The following EXD1 variants were observed in gnomAD, a reference collection of about 807,000 sequenced individuals.
EXD1 encodes the protein piRNA biogenesis protein EXD1.
Under a neutral mutation model 49.1 loss-of-function variants are expected in EXD1, and 63 were observed. The ratio of observed to expected loss-of-function variants is 1.28; its 90% CI spans 1.05 to 1.58. The LOEUF (loss-of-function observed/expected upper bound fraction) is 1.58. Among genes scored for constraint, EXD1 ranks in the 40% most tolerant of loss-of-function variants. The pLI, the probability that EXD1 is intolerant of heterozygous loss-of-function variation, is 0.00. For missense variants in EXD1, 748 were observed against 666.0 expected, an observed-to-expected ratio of 1.12 and a Z score of -1.36; for synonymous variants, 234 against 239.2, an observed-to-expected ratio of 0.98 and a Z score of 0.20.
chr15:41,228,225 A>G (rs2047192331), intron 1 of EXD1, among the ~76,000 whole-genome samples: 1 of 152,164 alleles, frequency 6.6e-6, no homozygotes, highest in Non-Finnish European at 1.5e-5. Context: ...CTTTTGCCAC[A>G]CTAGGAAAAT....
rs753456088 is a variant in EXD1, at chr15:41,190,154, T to C, written c.865-26A>G. 4 of 1,611,932 alleles carry C rather than the reference T, an allele frequency of 2.5e-6. No homozygotes were observed. In the South Asian group the frequency reaches 3.3e-5, roughly 13 times the overall value. Reference sequence around the variant, plus strand: ...CTGGAGACAATAAAACAATTTCCTCTGAACAGTAAGCAAGACTTTAAAGAA... The same window carrying C: ...CTGGAGACAATAAAACAATTTCCTCCGAACAGTAAGCAAGACTTTAAAGAA... On this transcript the variant is annotated intron_variant, in intron 10 of 11. Coordinates refer to ENST00000458580, the MANE Select transcript of EXD1 (RefSeq NM_001286441.2).
At chr15:41,214,116 G>A (rs990323135) in intron 6 of EXD1, among the ~76,000 whole-genome samples, 4 of 152,116 alleles carry the variant, frequency 2.6e-5, no homozygotes, top group Admixed American at 2.6e-4. Flanking sequence ...GCAGTGAGCC[G>A]AGATAGTGCC....
At chr15:41,197,806 A>T (rs1046973305) in intron 7 of EXD1, among the ~76,000 whole-genome samples, 4 of 144,484 alleles carry the variant, frequency 2.8e-5, no homozygotes, top group Non-Finnish European at 6.4e-5. Flanking sequence ...TGTATATTTT[A>T]ATAGAGATGG....
At chr15:41,224,768 A>G (rs745956333) in intron 2 of EXD1, among the ~76,000 whole-genome samples, 2 of 152,138 alleles carry the variant, frequency 1.3e-5, no homozygotes, top group Non-Finnish European at 2.9e-5. Context: ...CAGCCTGGGC[A>G]ACACAGGGAG....
chr15:41,213,175 T>C (rs950079204), intron 6 of EXD1, among the ~76,000 whole-genome samples: 2 of 151,820 alleles, frequency 1.3e-5, no homozygotes, highest in Admixed American at 6.6e-5. Context: ...AAACTACATA[T>C]TTTATTATTT....
chr15:41,199,777 C>T (rs1438906447), intron 7 of EXD1, among the ~76,000 whole-genome samples: 3 of 19,352 alleles, frequency 1.6e-4, no homozygotes, highest in South Asian at 2.0e-3. Context: ...ATATATATGT[C>T]ATATATTATA....
intron 3 of EXD1, among the ~76,000 whole-genome samples, chr15:41,218,894 T>C (rs16971653): frequency 0.16 from 24,529 of 152,140 alleles, 3,651 homozygotes; most frequent in African/African-American, 0.39. Context: ...CCTAAACGCT[T>C]GTTTTCTCAC....
At chr15:41,191,635 C>G (rs754992784) in intron 9 of EXD1, 50 bp from the exon 10 acceptor site, 11 of 1,513,068 alleles carry the variant, frequency 7.3e-6, no homozygotes, top group Non-Finnish European at 9.9e-6. Context: ...ATACAGAGAG[C>G]TATCTCATGC....
At chr15:41,220,669 G>A (rs1249278614) in intron 2 of EXD1, among the ~76,000 whole-genome samples, 2 of 152,138 alleles carry the variant, frequency 1.3e-5, no homozygotes, top group African/African-American at 2.4e-5. Flanking sequence ...AGGAGATAAG[G>A]AAGTTAGGAG....
intron 9 of EXD1, among the ~76,000 whole-genome samples, chr15:41,194,864 T>TG (rs1419624955): frequency 6.6e-6 from 1 of 152,160 alleles, no homozygotes; most frequent in Non-Finnish European, 1.5e-5. Context: ...AGCAAATACA[T>TG]TATAAGTAGA....
rs577472074 is a variant in EXD1 at position 41,191,561 on chromosome 15, T to C, written c.745A>G (p.Met249Val). Residue 249 changes from methionine to valine, a missense_variant, in exon 10 of 12, where the codon ATG becomes GTG. Physicochemically the swap from Met to Val is conservative, Grantham distance 21. Coordinates refer to ENST00000458580, the MANE Select transcript of EXD1 (RefSeq NM_001286441.2). Reference sequence around the variant, plus strand: ...TTTGGAAGATAGCCACCCGTTTCCATGGAAAACTGAAGTACATCTGCTACC... The same window carrying C: ...TTTGGAAGATAGCCACCCGTTTCCACGGAAAACTGAAGTACATCTGCTACC... ...TQVADVLQFSMETGGYLPNCI... is the reference protein window; with the variant it reads ...TQVADVLQFSVETGGYLPNCI... The C allele has an allele frequency of 2.3e-4, 373 of 1,614,116 alleles. 7 individuals are homozygous for C. The South Asian group carries it at 3.8e-3, about 17-fold the overall frequency.
intron 6 of EXD1, among the ~76,000 whole-genome samples, chr15:41,211,501 T>C (rs540433972): frequency 1.4e-4 from 22 of 152,014 alleles, no homozygotes; most frequent in African/African-American, 5.1e-4. Context: ...AACTCAATGA[T>C]AAAAATAATT....
intron 6 of EXD1, among the ~76,000 whole-genome samples, chr15:41,211,573 A>T (rs965410227): frequency 1.8e-4 from 28 of 152,130 alleles, no homozygotes; most frequent in African/African-American, 6.5e-4. Context: ...CTGTATTCCT[A>T]GCAGTGAAGG....
chr15:41,221,575 A>G (rs1309806461), intron 2 of EXD1, among the ~76,000 whole-genome samples: 1 of 151,772 alleles, frequency 6.6e-6, no homozygotes, highest in African/African-American at 2.4e-5. Flanking sequence ...CTGCCTGGCA[A>G]TACATTTTCT....
chr15:41,192,842 C>T (rs371512353), intron 9 of EXD1, among the ~76,000 whole-genome samples: 8 of 136,154 alleles, frequency 5.9e-5, no homozygotes, highest in African/African-American at 2.2e-4. Context: ...GTCGCCCAGG[C>T]GGGAGTGCTG....
chr15:41,194,985 C>T (rs1485769313), intron 9 of EXD1, among the ~76,000 whole-genome samples: 1 of 152,168 alleles, frequency 6.6e-6, no homozygotes, highest in Non-Finnish European at 1.5e-5. Flanking sequence ...TCCAAAGGCT[C>T]TAAGCTTGTG....
intron 7 of EXD1, among the ~76,000 whole-genome samples, chr15:41,200,265 G>C (rs1313754704): frequency 1.3e-5 from 2 of 152,078 alleles, no homozygotes; most frequent in African/African-American, 4.8e-5. Context: ...GCTCATGCCT[G>C]TAATCTTAGC....
rs933605354 is a variant in EXD1 at position 41,194,156 on chromosome 15, C to T, written c.720+1619G>A. Among the ~76,000 whole-genome samples the T allele has an allele frequency of 4.0e-5, 6 of 151,884 alleles. No individual in the cohort carries two copies. The East Asian group carries it at 1.2e-3, about 29-fold the overall frequency. On this transcript the variant is annotated intron_variant, in intron 9 of 11. Coordinates refer to ENST00000458580, the MANE Select transcript of EXD1 (RefSeq NM_001286441.2). ...CCTCCCGAGTAGCTGGGACTACAGG[C>T]GCCTGCCACCATGCCCGGCTAATTT...
chr15:41,220,077 C>T (rs117705195), intron 2 of EXD1, among the ~76,000 whole-genome samples, 179 bp from the exon 3 acceptor site: 1 of 151,102 alleles, frequency 6.6e-6, no homozygotes, highest in East Asian at 1.9e-4. Flanking sequence ...AAAGCTACGA[C>T]CTTTAAACAA....
Sources: allele counts gnomAD v4.1 joint callset (sites outside exome capture counted in the v4.1 genomes callset), GRCh38; gene constraint gnomAD v4.1.1; transcripts MANE v1.5; gene names NCBI Gene and HGNC (gene_info 2026-07-23, HGNC 2026-07-21).